Variants in KMT2B observed in about 807,000 individuals in gnomAD.
The protein encoded by KMT2B is lysine methyltransferase 2B.
In KMT2B, 22 loss-of-function variants were observed where a neutral mutation model predicts 255.3. The observed-to-expected ratio is 0.09, with a 90% CI of 0.06 to 0.12. The LOEUF (loss-of-function observed/expected upper bound fraction) is 0.12, where lower values mean the gene tolerates loss of function less well. Ranked by LOEUF, KMT2B falls within the 10% of genes least tolerant of loss-of-function variation. The pLI is 1.00. For synonymous variants in KMT2B, 1,730 were observed against 1,498.1 expected (o/e 1.15, Z -3.57); for missense variants, 3,149 against 3,737.0 (o/e 0.84, Z 4.10).
rs1175980563 is a variant in KMT2B, at chr19:35,723,122, G to A, written c.2850G>A (p.Arg950=). The A allele has an allele frequency of 6.2e-7, 1 of 1,613,412 alleles. No homozygotes were observed. Among genetic ancestry groups the A allele is most frequent in the Admixed American group, 1.7e-5 (1 of 60,018 alleles). ...GAGGGACCCTGGCCCACACACCCCGGCGCTCACTGCCCTCCCATCACGGCA... is the reference window on the plus strand; with the variant it reads ...GAGGGACCCTGGCCCACACACCCCGACGCTCACTGCCCTCCCATCACGGCA... ...GSGGTLAHTP[R]RSLPSHHGKK... Residue 950 remains arginine, a synonymous_variant, in exon 6 of 37, where the codon CGG becomes CGA. Coordinates refer to ENST00000420124, the MANE Select transcript of KMT2B (RefSeq NM_014727.3). This position sits in a 1 kb window ranked among gnomAD's most constrained non-coding sequence, Gnocchi z 7.5.
At chr19:35,721,889 C>T (rs1036999855) in intron 3 of KMT2B, 85 bp downstream of exon 3, 15 of 1,438,276 alleles carry the variant, frequency 1.0e-5, no homozygotes, top group Non-Finnish European at 1.3e-5. Flanking sequence ...CCTCCTTGGA[C>T]ACTTTCCAGC....
intron 13 of KMT2B, 60 bp from the exon 14 acceptor site, chr19:35,726,176 C>G: frequency 2.3e-6 from 3 of 1,298,620 alleles, no homozygotes; most frequent in Non-Finnish European, 3.3e-6. Context: ...CGCCCGTCTC[C>G]CGCTCATGTT....
rs1969825550 is a variant in KMT2B at position 35,733,968 on chromosome 19, T to C, written c.7159+96T>C. On this transcript the variant is annotated intron_variant, in intron 30 of 36. Transcript: ENST00000420124. This position sits in a 1 kb window ranked among gnomAD's most constrained non-coding sequence, Gnocchi z 4.3. ...TCAGCCCTCTTTCAAAACCAGTATC[T>C]ACTCCCAGGGGCCAAGCCTGAGGCT... 10 of 844,870 alleles carry C rather than the reference T, an allele frequency of 1.2e-5. No individual in the cohort carries two copies. The Admixed American group carries it at 2.3e-4, about 19-fold the overall frequency. 52.3% of individuals were successfully genotyped at this position (844,870 alleles called of 1,614,324 possible).
Position 35,718,388 on chromosome 19 carries a change from C to T in KMT2B, c.363+7C>T, listed in dbSNP as rs781516986. The T allele has an allele frequency of 3.0e-5, 38 of 1,263,068 alleles. No individual in the cohort carries two copies. The South Asian group carries it at 1.3e-3, about 43-fold the overall frequency. The allele number at this position is 1,263,068 out of a possible 1,614,324, so 78.2% of individuals were successfully genotyped here. ...CGGGGAATCCGACGAGGAGGTGAGG[C>T]GGTTGGAGGCGTCCCCGGCGCCGGG... On this transcript the variant is annotated splice_region_variant and intron_variant, in intron 1 of 36. Coordinates refer to ENST00000420124, the MANE Select transcript of KMT2B (RefSeq NM_014727.3). This position sits in a 1 kb window ranked among gnomAD's most constrained non-coding sequence, Gnocchi z 5.0.
chr19:35,729,106 G>A lies in KMT2B; in HGVS notation c.4779+30G>A, dbSNP rs773146682. Reference sequence around the variant, plus strand: ...GGGCTGCTCTGTGACGCACCAGGTTGTGGGGCCTGTTCCCTGGCCTCCCCA... The same window carrying A: ...GGGCTGCTCTGTGACGCACCAGGTTATGGGGCCTGTTCCCTGGCCTCCCCA... On this transcript the variant is annotated intron_variant, in intron 21 of 36. Coordinates refer to ENST00000420124, the MANE Select transcript of KMT2B (RefSeq NM_014727.3). The A allele has an allele frequency of 1.5e-5, 25 of 1,613,876 alleles. No homozygotes were observed. The South Asian group carries it at 2.3e-4, about 15-fold the overall frequency.
chr19:35,722,952 T>C (rs1436300454), intron 5 of KMT2B, 43 bp from the exon 6 acceptor site: 1 of 1,492,864 alleles, frequency 6.7e-7, no homozygotes, highest in African/African-American at 1.4e-5. Context: ...AGAAGCCTGG[T>C]GGCTTTGTGG....
rs908169828 is a variant in KMT2B at position 35,732,057 on chromosome 19, G to T, written c.5587G>T (p.Ala1863Ser). 1 of 1,611,504 alleles carries T rather than the reference G, an allele frequency of 6.2e-7. No individual in the cohort carries two copies. The highest frequency in any genetic ancestry group is 1.3e-5 in the African/African-American group (1 of 74,894). Residue 1863 changes from alanine (A) to serine (S), a missense_variant, in exon 27 of 37, where the codon GCT (alanine) becomes TCT (serine). Ala to Ser is a moderately conservative substitution (Grantham distance 99). Around this residue, in one of 18 missense-constraint regions of KMT2B, gnomAD observed 897 missense variants for 825.3 expected, o/e 1.09. Transcript: ENST00000420124. ...TCCAGCCCCCCGTTCTTTTTCGGGG[G>T]CTCGAATCAAAGTGCCCAACTACTC... Reference protein sequence around the residue: ...PPPAPRSFSGARIKVPNYSPS... With the variant: ...PPPAPRSFSGSRIKVPNYSPS...
At position 35,733,123 on chromosome 19, in the gene KMT2B, A is replaced by G. The variant is rs1969779196; in HGVS notation, c.6574A>G (p.Ile2192Val). The G allele has an allele frequency of 1.3e-6, 2 of 1,590,550 alleles. No individual in the cohort carries two copies. The highest frequency in any genetic ancestry group is 1.7e-6 in the Non-Finnish European group (2 of 1,168,352). The change falls in exon 28 of 37, where the codon ATA becomes GTA. Residue 2192 changes from isoleucine to valine, a missense_variant. Ile to Val is a conservative substitution (Grantham distance 29). This residue lies in a region of KMT2B where 897 missense variants were observed against 825.3 expected (regional missense o/e 1.09). Transcript: ENST00000420124. The surrounding 1 kb of genome is among the most constrained non-coding windows in gnomAD (Gnocchi z 4.3). ...CCCCAAACCCGCCACATCCAAAATC[A>G]TACTTGTCAACAAGCTGGGGCAAGT... The part of the protein sequence containing the change: ...EPPKPATSKI[I>V]LVNKLGQVFV...
intron 30 of KMT2B, chr19:35,736,403 G>A: frequency 2.4e-6 from 1 of 410,146 alleles, no homozygotes; most frequent in South Asian, 3.9e-5. Context: ...CTGGGTTTGA[G>A]TGAGCCATAG....
At position 35,727,224 on chromosome 19, in the gene KMT2B, G is replaced by A. The variant is rs1345863391; in HGVS notation, c.4072G>A (p.Ala1358Thr). The change falls in exon 15 of 37, where the codon GCA becomes ACA. Residue 1358 changes from alanine (A) to threonine (T), a missense_variant. Around this residue, in one of 18 missense-constraint regions of KMT2B, gnomAD observed 377 missense variants for 471.0 expected, o/e 0.80. Transcript: ENST00000420124. This position sits in a 1 kb window ranked among gnomAD's most constrained non-coding sequence, Gnocchi z 4.2. ...CTATGAGAGCAAGATGATGCAGTGC[G>A]CACAGTGCGATCACTGGGTGCATGC... ...NDYESKMMQC[A>T]QCDHWVHAKC... The A allele has an allele frequency of 1.9e-6, 3 of 1,613,346 alleles. No homozygotes were observed. Among genetic ancestry groups the A allele is most frequent in the African/African-American group, 1.3e-5 (1 of 74,920 alleles).
In KMT2B at chr19:35,725,725, C is replaced by T; in HGVS notation, c.3792C>T (p.His1264=). The change falls in exon 13 of 37, where the codon CAC becomes CAT. Residue 1264 remains histidine, a splice_region_variant and synonymous_variant. Coordinates refer to ENST00000420124, the MANE Select transcript of KMT2B (RefSeq NM_014727.3). The surrounding 1 kb of genome is among the most constrained non-coding windows in gnomAD (Gnocchi z 4.1). ...VCGRKGRGSK[H]LLECERCRHA... ...ATCTCTGTCTCCACATCCAACAGCA[C>T]CTCCTGGAGTGCGAGCGCTGCCGCC... 6.2e-7 allele frequency: 1 copy of T among 1,611,346 alleles called. No homozygotes were observed. Among genetic ancestry groups the T allele is most frequent in the Non-Finnish European group, 8.5e-7 (1 of 1,178,790 alleles).
Position 35,721,517 on chromosome 19 carries a change from G to T in KMT2B, c.2170G>T (p.Ala724Ser). 1 of 1,611,926 alleles carries T rather than the reference G, an allele frequency of 6.2e-7. No homozygotes were observed. Among genetic ancestry groups the T allele is most frequent in the Non-Finnish European group, 8.5e-7 (1 of 1,179,850 alleles). The change falls in exon 3 of 37, where the codon GCT becomes TCT. Residue 724 changes from alanine (A) to serine (S), a missense_variant. Physicochemically the swap from Ala to Ser is moderately conservative, Grantham distance 99 (BLOSUM62 1). Around this residue, in one of 18 missense-constraint regions of KMT2B, gnomAD observed 1,188 missense variants for 1,106.4 expected, o/e 1.07. Transcript: ENST00000420124. ...PVKAEVSPHGAPALSNGPQTQ... is the reference protein window; with the variant it reads ...PVKAEVSPHGSPALSNGPQTQ... ...TAAGGCCGAGGTGTCCCCTCACGGG[G>T]CTCCAGCTCTGAGCAACGGGCCACA...
Position 35,737,775 on chromosome 19 carries a change from G to A in KMT2B, c.7658+32G>A, listed in dbSNP as rs1416825250. The A allele has an allele frequency of 6.5e-7, 1 of 1,549,830 alleles. No homozygotes were observed. Among genetic ancestry groups the A allele is most frequent in the Non-Finnish European group, 8.7e-7 (1 of 1,144,046 alleles). Reference sequence around the variant, plus strand: ...AGTGTGAGCTGGGGGGCGGGTGGTGGTCTGGAAGGGTCTTAGAGAGTGAGC... The same window carrying A: ...AGTGTGAGCTGGGGGGCGGGTGGTGATCTGGAAGGGTCTTAGAGAGTGAGC... On this transcript the variant is annotated intron_variant, in intron 34 of 36. Transcript: ENST00000420124. This position sits in a 1 kb window ranked among gnomAD's most constrained non-coding sequence, Gnocchi z 5.3.
intron 23 of KMT2B, 25 bp from the exon 24 acceptor site, chr19:35,730,317 C>T: frequency 6.2e-7 from 1 of 1,608,906 alleles, no homozygotes; most frequent in Non-Finnish European, 8.5e-7. Flanking sequence ...ATGCAGCCAC[C>T]TCACTTTGCC....
Position 35,727,556 on chromosome 19 carries a change from C to A in KMT2B, c.4236C>A (p.Gly1412=). The part of the protein sequence containing the change: ...REALSGALQG[G]LRQVLQGLLS... ...CCCTGAGCGGGGCCCTCCAGGGGGG[C>A]CTGCGCCAGGTGCTCCAGGGCCTGC... Residue 1412 remains glycine (G), a synonymous_variant, in exon 16 of 37, where the codon GGC becomes GGA. Transcript: ENST00000420124. The surrounding 1 kb of genome is among the most constrained non-coding windows in gnomAD (Gnocchi z 4.2). 1.2e-6 allele frequency: 2 copies of A among 1,606,470 alleles called. No homozygotes were observed. The highest frequency in any genetic ancestry group is 1.7e-6 in the Non-Finnish European group (2 of 1,178,376).
intron 23 of KMT2B, 46 bp from the exon 24 acceptor site, chr19:35,730,296 C>G: frequency 6.2e-7 from 1 of 1,606,142 alleles, no homozygotes; most frequent in Non-Finnish European, 8.5e-7. Context: ...TGGCATCCAC[C>G]TCCCCCACCA....
Position 35,732,694 on chromosome 19 carries a change from C to T in KMT2B, c.6145C>T (p.Pro2049Ser), listed in dbSNP as rs748251216. ...TGTGGTGTCCGCCCCTGGTCTGGCC[C>T]CCAGCGCTACCCCTGGAGCCCCCCG... ...VTVVSAPGLA[P>S]SATPGAPRIE... Residue 2049 changes from proline to serine, a missense_variant, in exon 28 of 37, where the codon CCC becomes TCC. By Grantham distance (74) the Pro-to-Ser change is moderately conservative. Around this residue, in one of 18 missense-constraint regions of KMT2B, gnomAD observed 897 missense variants for 825.3 expected, o/e 1.09. Coordinates refer to ENST00000420124, the MANE Select transcript of KMT2B (RefSeq NM_014727.3). 1 of 1,608,574 alleles carries T rather than the reference C, an allele frequency of 6.2e-7. No homozygotes were observed. The highest frequency in any genetic ancestry group is 1.7e-5 in the Admixed American group (1 of 59,282).
intron 19 of KMT2B, 87 bp downstream of exon 19, chr19:35,728,258 G>A (rs1166055134): frequency 1.7e-6 from 2 of 1,193,422 alleles, no homozygotes; most frequent in African/African-American, 1.5e-5. Context: ...GAGAAGAGAT[G>A]AGCAGAGGTA....
At chr19:35,730,950 A>G in intron 26 of KMT2B, 83 bp downstream of exon 26, 1 of 1,424,538 alleles carries the variant, frequency 7.0e-7, no homozygotes, top group South Asian at 1.4e-5. Context: ...TCCCTTTTGG[A>G]AAGTCCAGGA....
Sources: gnomAD v4.1 joint callset for allele counts on GRCh38, gnomAD v4.1.1 for gene constraint, gnomAD v4.1.1 regional missense constraint, Gnocchi (gnomAD v3.1) non-coding constraint, MANE v1.5 for transcripts, NCBI Gene and HGNC (gene_info 2026-07-23, HGNC 2026-07-21) for gene names.